TMEM217B: variants seen among roughly 807,000 people sequenced by gnomAD.
TMEM217B encodes the protein transmembrane protein 217B.
At chr6:37,221,233 C>G in the TMEM217B span, among the ~76,000 whole-genome samples, 1 of 151,412 alleles carries the variant, frequency 6.6e-6, no homozygotes, top group Admixed American at 6.6e-5. Context: ...GTCGCCCAGG[C>G]TGGAATGCAG....
At chr6:37,248,667 C>A in the TMEM217B span, among the ~76,000 whole-genome samples, 1 of 152,156 alleles carries the variant, frequency 6.6e-6, no homozygotes, top group East Asian at 1.9e-4. Context: ...TACTAGGAGT[C>A]TCTTTAAGAA....
the TMEM217B span, among the ~76,000 whole-genome samples, chr6:37,228,991 C>T: frequency 6.6e-6 from 1 of 150,596 alleles, no homozygotes; most frequent in African/African-American, 2.4e-5. Flanking sequence ...AGAGAGACTC[C>T]GTCTCAAAAA....
chr6:37,235,388 CAG>C, the TMEM217B span, among the ~76,000 whole-genome samples: 1 of 151,762 alleles, frequency 6.6e-6, no homozygotes, highest in Non-Finnish European at 1.5e-5. Flanking sequence ...TTTTTTGAGA[CAG>C]AGTCTTGCTC....
At chr6:37,219,186 C>T in the TMEM217B span, 7 of 729,336 alleles carry the variant, frequency 9.6e-6, no homozygotes, top group Non-Finnish European at 1.5e-5. Flanking sequence ...TGGGAAGACA[C>T]AGGCTGTTTA....
the TMEM217B span, among the ~76,000 whole-genome samples, chr6:37,231,613 G>A: frequency 1.6e-4 from 24 of 148,228 alleles, no homozygotes; most frequent in East Asian, 1.0e-3. Context: ...GTGGGGTTGC[G>A]GTGAGCCGAG....
the TMEM217B span, among the ~76,000 whole-genome samples, chr6:37,243,043 A>G: frequency 2.0e-5 from 3 of 152,208 alleles, no homozygotes; most frequent in Non-Finnish European, 2.9e-5. Flanking sequence ...TGGGATCGCC[A>G]TAACTTGTTT....
the TMEM217B span, among the ~76,000 whole-genome samples, chr6:37,220,056 A>T: frequency 6.6e-6 from 1 of 152,224 alleles, no homozygotes; most frequent in African/African-American, 2.4e-5. Flanking sequence ...CAACTCAAGA[A>T]GTTAGAGGGA....
chr6:37,226,193 C>T, the TMEM217B span, among the ~76,000 whole-genome samples: 1 of 151,908 alleles, frequency 6.6e-6, no homozygotes, highest in South Asian at 2.1e-4. Context: ...TTTACCATCT[C>T]CTCATAAAGA....
chr6:37,249,044 T>C, the TMEM217B span, among the ~76,000 whole-genome samples: 1 of 152,166 alleles, frequency 6.6e-6, no homozygotes, highest in East Asian at 1.9e-4. Context: ...TCTGTCTGTA[T>C]CTTCTCTCAT....
At chr6:37,218,590 GA>G in the TMEM217B span, 2 of 1,614,190 alleles carry the variant, frequency 1.2e-6, no homozygotes, top group Non-Finnish European at 8.5e-7. Flanking sequence ...GGGCATAGTT[GA>G]TGACAAAGAA....
the TMEM217B span, among the ~76,000 whole-genome samples, chr6:37,242,397 C>T: frequency 1.3e-5 from 2 of 152,230 alleles, no homozygotes; most frequent in Non-Finnish European, 2.9e-5. Flanking sequence ...AATCAGCACT[C>T]CCTACTCATC....
the TMEM217B span, among the ~76,000 whole-genome samples, chr6:37,215,745 T>G: frequency 6.6e-6 from 1 of 152,076 alleles, no homozygotes; most frequent in African/African-American, 2.4e-5. Flanking sequence ...AGGCAATAGC[T>G]GAGCTTGGGT....
chr6:37,249,716 T>C, the TMEM217B span, among the ~76,000 whole-genome samples: 3 of 152,250 alleles, frequency 2.0e-5, no homozygotes, highest in Admixed American at 6.5e-5. Flanking sequence ...GATCTGACTT[T>C]GAACCACCTT....
the TMEM217B span, among the ~76,000 whole-genome samples, chr6:37,224,758 C>T: frequency 4.7e-4 from 72 of 152,000 alleles, no homozygotes; most frequent in Non-Finnish European, 9.1e-4. Flanking sequence ...AAATATTTTT[C>T]TAAAATATTT....
chr6:37,213,556 T>C, the TMEM217B span, among the ~76,000 whole-genome samples: 1 of 152,246 alleles, frequency 6.6e-6, no homozygotes, highest in Non-Finnish European at 1.5e-5. Flanking sequence ...TAAAGGTTTA[T>C]GGATCCAGGC....
At chr6:37,252,635 ATATTT>A in the TMEM217B span, among the ~76,000 whole-genome samples, 589 of 60,224 alleles carry the variant, frequency 9.8e-3, 1 homozygote, top group African/African-American at 0.024. Context: ...ATATATATAT[ATATTT>A]TTTTTTTTTT....
the TMEM217B span, chr6:37,213,034 G>T: frequency 1.4e-6 from 2 of 1,382,114 alleles, no homozygotes; most frequent in Non-Finnish European, 2.0e-6. Context: ...TGACAAGATG[G>T]CAGAGGTAGC....
chr6:37,216,981 C>A, the TMEM217B span, among the ~76,000 whole-genome samples: 1 of 152,152 alleles, frequency 6.6e-6, no homozygotes, highest in African/African-American at 2.4e-5. Context: ...GAAAATAAAT[C>A]TCAGCTCTTT....
the TMEM217B span, chr6:37,219,141 T>A: frequency 1.9e-6 from 2 of 1,055,332 alleles, no homozygotes; most frequent in East Asian, 4.8e-5. Flanking sequence ...TGGAGAAATA[T>A]AGACAGAAAT....
Sources: gnomAD v4.1 joint callset for allele counts (sites outside exome capture counted in the v4.1 genomes callset) on GRCh38, gnomAD v4.1.1 for gene constraint, MANE v1.5 for transcripts, NCBI Gene and HGNC (gene_info 2026-07-23, HGNC 2026-07-21) for gene names.